Variants in VPS8 observed in about 807,000 individuals in gnomAD.
VPS8 encodes the protein VPS8 subunit of CORVET complex, also known as vacuolar protein sorting-associated protein 8 homolog.
In VPS8, 129 loss-of-function variants were observed where a neutral mutation model predicts 216.4. That is an observed-to-expected ratio of 0.60 (90% confidence interval 0.52 to 0.69). The LOEUF (loss-of-function observed/expected upper bound fraction) is 0.69, where lower values mean the gene tolerates loss of function less well. VPS8 is among the 30% of genes least tolerant of loss of function. VPS8 has a pLI of 0.00. For missense variants in VPS8, 1,531 were observed against 1,683.5 expected (o/e 0.91, Z 1.59); for synonymous variants, 571 against 565.4 (o/e 1.01, Z -0.14).
At chr3:184,961,241 A>C (rs1290633562) in intron 37 of VPS8, among the ~76,000 whole-genome samples, 1 of 152,076 alleles carries the variant, frequency 6.6e-6, no homozygotes, top group East Asian at 1.9e-4. Flanking sequence ...GTTATTTTCT[A>C]TAACAGATTA....
At chr3:184,863,936 A>G (rs1167987158) in intron 16 of VPS8, among the ~76,000 whole-genome samples, 1 of 152,190 alleles carries the variant, frequency 6.6e-6, no homozygotes, top group Admixed American at 6.5e-5. Flanking sequence ...AAAACCAAGA[A>G]AAGTCAGAAT....
intron 46 of VPS8, among the ~76,000 whole-genome samples, chr3:185,038,164 C>CAATATCAG (rs1227528542): frequency 6.6e-6 from 1 of 152,344 alleles, no homozygotes; most frequent in African/African-American, 2.4e-5. Flanking sequence ...TTTTTCTCCA[C>CAATATCAG]AATATTAAGC....
chr3:184,845,622 A>C (rs1722972064), intron 8 of VPS8, among the ~76,000 whole-genome samples: 1 of 151,872 alleles, frequency 6.6e-6, no homozygotes, highest in South Asian at 2.1e-4. Context: ...GGGCATGTTG[A>C]TGCATGCCTG....
Position 184,855,720 on chromosome 3 carries a change from T to A in VPS8, c.1045T>A (p.Ser349Thr). 6.2e-7 allele frequency: 1 copy of A among 1,612,660 alleles called. No homozygotes were observed. Among genetic ancestry groups the A allele is most frequent in the South Asian group, 1.1e-5 (1 of 90,756 alleles). ...CCATCTCCCTACTTAGATGGATCCT[T>A]CCAGTGTGCCACTGCTGGCCTGGCA... ...MTFPYGRMDP[S>T]SVPLLAWHFV... is the part of the protein sequence containing the mutation. Residue 349 changes from serine to threonine, a missense_variant, in exon 14 of 48, where the codon TCC becomes ACC. Transcript: ENST00000625842.
chr3:184,834,611 T>A, intron 4 of VPS8, 38 bp from the exon 5 acceptor site: 1 of 1,490,266 alleles, frequency 6.7e-7, no homozygotes, highest in South Asian at 1.3e-5. Flanking sequence ...TTTCACTATT[T>A]TTATCTGTTT....
chr3:184,824,639 AATGAACCAGACC>A lies in VPS8; in HGVS notation c.13_24del (p.Pro5_Glu8del), dbSNP rs751319740. ...ACTGTTATTAGAAGTAAATATGGAAAATGAACCAGACCATGAAAATGTGGAACAGAGCCTCTG... is the reference window on the plus strand; with the variant it reads ...ACTGTTATTAGAAGTAAATATGGAAAATGAAAATGTGGAACAGAGCCTCTG... On this transcript the variant is annotated inframe_deletion, in exon 2 of 48. Transcript: ENST00000625842. 1.1e-5 allele frequency: 17 copies of A among 1,613,434 alleles called. No homozygotes were observed. The South Asian group carries it at 1.9e-4, about 18-fold the overall frequency.
At chr3:184,985,999 A>G (rs1751011504) in intron 42 of VPS8, among the ~76,000 whole-genome samples, 1 of 152,234 alleles carries the variant, frequency 6.6e-6, no homozygotes, top group South Asian at 2.1e-4. Flanking sequence ...ACTTACCAGC[A>G]TTCCTCTTCT....
intron 5 of VPS8, among the ~76,000 whole-genome samples, chr3:184,838,393 A>G (rs1411036103): frequency 6.6e-6 from 1 of 152,144 alleles, no homozygotes; most frequent in Non-Finnish European, 1.5e-5. Flanking sequence ...CATAGTACTT[A>G]TAGTTTATTC....
chr3:184,877,529 A>C (rs1480256817), intron 21 of VPS8, among the ~76,000 whole-genome samples: 2 of 152,208 alleles, frequency 1.3e-5, no homozygotes, highest in African/African-American at 2.4e-5. Flanking sequence ...GGTGTGCTGT[A>C]TGCCTGATGG....
chr3:184,841,667 C>T (rs185486263), intron 7 of VPS8, among the ~76,000 whole-genome samples: 10 of 152,256 alleles, frequency 6.6e-5, no homozygotes, highest in Admixed American at 2.6e-4. Flanking sequence ...AGCCTGCTCT[C>T]CTATCAGGTG....
chr3:185,007,136 AAAG>A (rs1754372003), intron 45 of VPS8, among the ~76,000 whole-genome samples: 1 of 152,242 alleles, frequency 6.6e-6, no homozygotes, highest in South Asian at 2.1e-4. Flanking sequence ...GTCTTCAAAA[AAAG>A]GAGAAATGAC....
intron 6 of VPS8, 83 bp downstream of exon 6, chr3:184,838,829 T>C (rs1721591551): frequency 1.5e-5 from 16 of 1,075,134 alleles, no homozygotes; most frequent in Middle Eastern, 2.4e-4. Flanking sequence ...TTCAAAATAC[T>C]ACATAAGTTG....
intron 45 of VPS8, among the ~76,000 whole-genome samples, chr3:185,013,132 G>A (rs931159221): frequency 2.0e-5 from 3 of 152,178 alleles, no homozygotes; most frequent in African/African-American, 7.2e-5. Flanking sequence ...TCCACCCTGG[G>A]TAGGCCAGAT....
intron 2 of VPS8, among the ~76,000 whole-genome samples, chr3:184,825,379 T>C (rs899216993): frequency 6.6e-5 from 10 of 152,160 alleles, no homozygotes; most frequent in East Asian, 1.9e-4. Flanking sequence ...CATTTTTTTT[T>C]CCCTTTGATT....
At chr3:184,939,274 G>A (rs2109312794) in intron 35 of VPS8, among the ~76,000 whole-genome samples, 1 of 151,860 alleles carries the variant, frequency 6.6e-6, no homozygotes. Flanking sequence ...ATAACACAAA[G>A]TGATAGTGAA....
chr3:184,874,916 T>C (rs1728973143), intron 21 of VPS8, among the ~76,000 whole-genome samples: 1 of 152,154 alleles, frequency 6.6e-6, no homozygotes, highest in Admixed American at 6.6e-5. Flanking sequence ...GCCTAGTATA[T>C]AGTGGGTGGA....
intron 21 of VPS8, among the ~76,000 whole-genome samples, 174 bp downstream of exon 21, chr3:184,870,979 T>C (rs1728234366): frequency 6.6e-6 from 1 of 152,196 alleles, no homozygotes; most frequent in African/African-American, 2.4e-5. Flanking sequence ...GTAATGGGTA[T>C]AAATGAGTAA....
chr3:184,833,678 C>A (rs1720473798), intron 4 of VPS8, among the ~76,000 whole-genome samples: 2 of 152,182 alleles, frequency 1.3e-5, no homozygotes, highest in Admixed American at 6.5e-5. Flanking sequence ...CTTCAGCCCT[C>A]CTAGTCTGTA....
chr3:185,001,762 G>A (rs1753456039), intron 45 of VPS8, among the ~76,000 whole-genome samples: 1 of 152,154 alleles, frequency 6.6e-6, no homozygotes, highest in African/African-American at 2.4e-5. Flanking sequence ...TCATGCTGAA[G>A]CTATCCAGGG....
Sources: gnomAD v4.1 joint callset for allele counts (sites outside exome capture counted in the v4.1 genomes callset) on GRCh38, gnomAD v4.1.1 for gene constraint, MANE v1.5 for transcripts, NCBI Gene and HGNC (gene_info 2026-07-23, HGNC 2026-07-21) for gene names.